ZKSCAN1: variants seen among roughly 807,000 people sequenced by gnomAD.
The protein encoded by ZKSCAN1 is zinc finger with KRAB and SCAN domains 1, also known as zinc finger protein with KRAB and SCAN domains 1.
Under a neutral mutation model 51.6 loss-of-function variants are expected in ZKSCAN1, and 14 were observed. That is an observed-to-expected ratio of 0.27 (90% CI 0.18 to 0.42). The LOEUF (loss-of-function observed/expected upper bound fraction) is 0.42. ZKSCAN1 is among the 10% of genes least tolerant of loss of function. The probability of loss-of-function intolerance (pLI) is 1.00; values close to 1 mark genes in which losing one functional copy is unlikely to be tolerated. For missense variants in ZKSCAN1, 531 were observed against 710.0 expected, an observed-to-expected ratio of 0.75 and a Z score of 2.86; for synonymous variants, 263 against 261.5, an observed-to-expected ratio of 1.01 and a Z score of -0.06.
At position 100,023,952 on chromosome 7, in the gene ZKSCAN1, A is replaced by C. The variant is rs779131592; in HGVS notation, c.426+20A>C. ...CAACAGGTAAAAAGAGGTGAAACCT[A>C]TTATGTGTGAGCAGGGCACAGACGT... On this transcript the variant is annotated intron_variant, in intron 2 of 5. Transcript: ENST00000324306. 1 of 1,555,762 alleles carries C rather than the reference A, an allele frequency of 6.4e-7. No individual in the cohort carries two copies. Among genetic ancestry groups the C allele is most frequent in the Non-Finnish European group, 8.6e-7 (1 of 1,158,118 alleles).
chr7:100,037,027 G>A lies in ZKSCAN1; in HGVS notation c.*2830G>A. The A allele has an allele frequency of 2.0e-6, 2 of 985,422 alleles. No homozygotes were observed. The highest frequency in any genetic ancestry group is 4.7e-5 in the South Asian group (1 of 21,290). 61.0% of individuals were successfully genotyped at this position (985,422 alleles called of 1,614,324 possible). On this transcript the variant is annotated 3_prime_UTR_variant, in exon 6 of 6. Coordinates refer to ENST00000324306, the MANE Select transcript of ZKSCAN1 (RefSeq NM_003439.4). ...TCTTCAGCCACATGCTGTCCTTGAA[G>A]CAGCTATTTGAAGATGTGTTTTCTG... is the stretch of plus-strand genomic sequence containing the variant.
At chr7:100,027,696 C>T (rs186244759) in intron 3 of ZKSCAN1, among the ~76,000 whole-genome samples, 4 of 145,026 alleles carry the variant, frequency 2.8e-5, no homozygotes, top group African/African-American at 5.2e-5. Context: ...TGCAGTGAGC[C>T]GAGATTGCGC....
At chr7:100,024,451 A>G (rs1038464604) in intron 3 of ZKSCAN1, 144 bp downstream of exon 3, 81 of 1,082,590 alleles carry the variant, frequency 7.5e-5, no homozygotes, top group Non-Finnish European at 5.6e-5. Flanking sequence ...AAAATTAGCC[A>G]GGTATAGTGG....
rs1358928134 is a variant in ZKSCAN1, at chr7:100,036,020, G to A, written c.*1823G>A. On this transcript the variant is annotated 3_prime_UTR_variant, in exon 6 of 6. Transcript: ENST00000324306. ...CATATATAGTTTGAGACTTTCCCTT[G>A]AGAAACTTATACTAAAACTATTACT... The A allele has an allele frequency of 1.5e-5, 15 of 985,406 alleles. No individual in the cohort carries two copies. Among genetic ancestry groups the A allele is most frequent in the African/African-American group, 1.7e-5 (1 of 57,354 alleles). The allele number at this position is 985,406 out of a possible 1,614,324, so 61.0% of individuals were successfully genotyped here.
intron 5 of ZKSCAN1, among the ~76,000 whole-genome samples, chr7:100,031,046 A>G (rs951689903): frequency 6.6e-6 from 1 of 152,116 alleles, no homozygotes; most frequent in East Asian, 1.9e-4. Context: ...AGACATTTCC[A>G]TTTGTCTCTG....
At chr7:100,026,762 T>G (rs1320094477) in intron 3 of ZKSCAN1, among the ~76,000 whole-genome samples, 1 of 151,936 alleles carries the variant, frequency 6.6e-6, no homozygotes, top group Non-Finnish European at 1.5e-5. Context: ...AAATAATAAA[T>G]TAGCTTACTG....
At position 100,033,427 on chromosome 7, in the gene ZKSCAN1, G is replaced by A. The variant is rs773479983; in HGVS notation, c.922G>A (p.Glu308Lys). The change falls in exon 6 of 6, where the codon GAG (glutamate) becomes AAG (lysine). Residue 308 changes from glutamate to lysine, a missense_variant. Around this residue, in one of 2 missense-constraint regions of ZKSCAN1, gnomAD observed 403 missense variants for 490.5 expected, o/e 0.82. Transcript: ENST00000324306. This position sits in a 1 kb window ranked among gnomAD's most constrained non-coding sequence, Gnocchi z 4.1. ...AGAGTTTGGAGAGAAACGTGACCAG[G>A]AGGGCAAAACAGGAGAAAGACAGCA... is the stretch of plus-strand genomic sequence containing the variant. ...QKEFGEKRDQ[E>K]GKTGERQQKN... is the part of the protein sequence containing the mutation. 1.9e-6 allele frequency: 3 copies of A among 1,614,050 alleles called. No individual in the cohort carries two copies. Among genetic ancestry groups the A allele is most frequent in the Non-Finnish European group, 1.7e-6 (2 of 1,180,030 alleles).
chr7:100,036,722 A>G lies in ZKSCAN1; in HGVS notation c.*2525A>G, dbSNP rs968994491. 4.1e-6 allele frequency: 4 copies of G among 984,704 alleles called. No individual in the cohort carries two copies. The highest frequency in any genetic ancestry group is 1.8e-5 in the African/African-American group (1 of 57,116). 61.0% of individuals were successfully genotyped at this position (984,704 alleles called of 1,614,324 possible). A position where few individuals can be genotyped will look rare whatever the true frequency, so the allele number is the denominator to read the frequency against. On this transcript the variant is annotated 3_prime_UTR_variant, in exon 6 of 6. Transcript: ENST00000324306. ...ACTAGCAAAACTCCATCTCAAAAAAAAAAAAAAGAAAGAAAGAAACTGAAA... is the reference window on the plus strand; with the variant it reads ...ACTAGCAAAACTCCATCTCAAAAAAGAAAAAAAGAAAGAAAGAAACTGAAA...
chr7:100,028,899 T>C (rs1363508869), intron 3 of ZKSCAN1, among the ~76,000 whole-genome samples: 2 of 151,726 alleles, frequency 1.3e-5, no homozygotes, highest in Non-Finnish European at 2.9e-5. Context: ...ACACAGTGGC[T>C]AACACTTGTA....
Position 100,034,266 on chromosome 7 carries a change from G to A in ZKSCAN1, c.*69G>A. The A allele has an allele frequency of 1.3e-6, 2 of 1,495,950 alleles. No individual in the cohort carries two copies. Among genetic ancestry groups the A allele is most frequent in the Non-Finnish European group, 8.8e-7 (1 of 1,132,020 alleles). The allele number at this position is 1,495,950 out of a possible 1,614,324, so 92.7% of individuals were successfully genotyped here. On this transcript the variant is annotated 3_prime_UTR_variant, in exon 6 of 6. Coordinates refer to ENST00000324306, the MANE Select transcript of ZKSCAN1 (RefSeq NM_003439.4). ...AATTATTTCAGAGATGTGTGCTCCT[G>A]GAGGGAAAAAGAAATACAGCCTCAA...
Position 100,040,014 on chromosome 7 carries a change from A to G in ZKSCAN1, c.*5817A>G. The G allele has an allele frequency of 2.3e-6, 2 of 878,586 alleles. No individual in the cohort carries two copies. Among genetic ancestry groups the G allele is most frequent in the Non-Finnish European group, 2.7e-6 (2 of 733,018 alleles). 54.4% of individuals were successfully genotyped at this position (878,586 alleles called of 1,614,324 possible). ...TTTTTTTTTAGAGTGGACACACTACATTTAAAAGCAATTATTTTGCTATTC... is the reference window on the plus strand; with the variant it reads ...TTTTTTTTTAGAGTGGACACACTACGTTTAAAAGCAATTATTTTGCTATTC... On this transcript the variant is annotated 3_prime_UTR_variant, in exon 6 of 6. Transcript: ENST00000324306.
chr7:100,027,576 G>A (rs12112642), intron 3 of ZKSCAN1, among the ~76,000 whole-genome samples: 53,184 of 150,838 alleles, frequency 0.35, 10,332 homozygotes, highest in African/African-American at 0.52. Context: ...GTGAAACCCC[G>A]TCTCTCCTAA....
intron 1 of ZKSCAN1, among the ~76,000 whole-genome samples, chr7:100,020,194 A>T (rs1790536641): frequency 6.6e-6 from 1 of 152,214 alleles, no homozygotes; most frequent in East Asian, 1.9e-4. Flanking sequence ...TTAAAGGTTA[A>T]GTAGGATTTG....
chr7:100,023,593 A>AGAGGAAGAT lies in ZKSCAN1; in HGVS notation c.96_104dup (p.Glu33_Asp35dup). ...ATGGTATCGTAATAGTGAAGGTGGAAGAGGAAGATGAGGAAGACCACATGT... is the reference window on the plus strand; with the variant it reads ...ATGGTATCGTAATAGTGAAGGTGGAAGAGGAAGATGAGGAAGATGAGGAAGACCACATGT... On this transcript the variant is annotated inframe_insertion, in exon 2 of 6. Transcript: ENST00000324306. 1 of 1,613,950 alleles carries AGAGGAAGAT rather than the reference A, an allele frequency of 6.2e-7. No individual in the cohort carries two copies. Among genetic ancestry groups the AGAGGAAGAT allele is most frequent in the Non-Finnish European group, 8.5e-7 (1 of 1,180,038 alleles).
At chr7:100,043,737 T>C (rs1393252737), downstream of ZKSCAN1, among the ~76,000 whole-genome samples, 1 of 150,604 alleles carries the variant, frequency 6.6e-6, no homozygotes. Context: ...CCTCCATATC[T>C]ACTTAGGCTT....
chr7:100,023,835 A>G lies in ZKSCAN1; in HGVS notation c.329A>G (p.Lys110Arg). Residue 110 changes from lysine to arginine, a missense_variant, in exon 2 of 6, where the codon AAG (lysine) becomes AGG (arginine). Lys to Arg is a conservative substitution (Grantham distance 26). Transcript: ENST00000324306. Reference protein sequence around the residue: ...VLEQFLSILPKELQVWLQEYR... With the variant: ...VLEQFLSILPRELQVWLQEYR... ...GAGCAGTTTCTTTCCATCCTGCCCA[A>G]GGAGCTCCAGGTCTGGCTGCAGGAA... 6.2e-7 allele frequency: 1 copy of G among 1,614,142 alleles called. No homozygotes were observed.
Position 100,041,093 on chromosome 7 carries a change from A to G in ZKSCAN1, c.*6896A>G. The G allele has an allele frequency of 1.1e-6, 1 of 908,364 alleles. No individual in the cohort carries two copies. Among genetic ancestry groups the G allele is most frequent in the Non-Finnish European group, 1.3e-6 (1 of 759,732 alleles). The allele number at this position is 908,364 out of a possible 1,614,324, so 56.3% of individuals were successfully genotyped here. On this transcript the variant is annotated 3_prime_UTR_variant, in exon 6 of 6. Coordinates refer to ENST00000324306, the MANE Select transcript of ZKSCAN1 (RefSeq NM_003439.4). ...ACGAGGTCAGCATAAGCCTAAATCTATATAGAGGGCTAACTCAGGCATTGT... is the reference window on the plus strand; with the variant it reads ...ACGAGGTCAGCATAAGCCTAAATCTGTATAGAGGGCTAACTCAGGCATTGT...
rs573140244 is a variant in ZKSCAN1, at chr7:100,028,494, CAGAG to C, written c.581-1364_581-1361del. On this transcript the variant is annotated intron_variant, in intron 3 of 5. Transcript: ENST00000324306. The stretch of plus-strand genomic sequence containing the variant: ...GAGCACTGCATTCCAACCTGGGTGA[CAGAG>C]AGCCTATCTTATTGTTGTATAAAGG... Among the ~76,000 whole-genome samples, 786 of 152,228 alleles carry C rather than the reference CAGAG, an allele frequency of 5.2e-3. 6 individuals carry two copies. Among genetic ancestry groups the C allele is most frequent in the African/African-American group, 0.018 (768 of 41,518 alleles).
In ZKSCAN1 at chr7:100,040,063, A is replaced by T. The variant is rs560005157; in HGVS notation, c.*5866A>T. On this transcript the variant is annotated 3_prime_UTR_variant, in exon 6 of 6. Coordinates refer to ENST00000324306, the MANE Select transcript of ZKSCAN1 (RefSeq NM_003439.4). ...TCAGATTTTTTATTATCTGAAAATGAAATTATCTGTTTTACTTTTCAAAGC... is the reference window on the plus strand; with the variant it reads ...TCAGATTTTTTATTATCTGAAAATGTAATTATCTGTTTTACTTTTCAAAGC... 1.1e-6 allele frequency: 1 copy of T among 884,340 alleles called. No homozygotes were observed. The highest frequency in any genetic ancestry group is 1.8e-5 in the African/African-American group (1 of 55,176). 54.8% of individuals were successfully genotyped at this position (884,340 alleles called of 1,614,324 possible). A position where few individuals can be genotyped will look rare whatever the true frequency, so the allele number is the denominator to read the frequency against.
Sources: gnomAD v4.1 joint callset for allele counts (sites outside exome capture counted in the v4.1 genomes callset) on GRCh38, gnomAD v4.1.1 for gene constraint, gnomAD v4.1.1 regional missense constraint, Gnocchi (gnomAD v3.1) non-coding constraint, MANE v1.5 for transcripts, NCBI Gene and HGNC (gene_info 2026-07-23, HGNC 2026-07-21) for gene names.